TLN2: variants seen among roughly 807,000 people sequenced by gnomAD.
TLN2 encodes the protein talin 2, also known as talin-2.
Under a neutral mutation model 294.7 loss-of-function variants are expected in TLN2, and 118 were observed. The observed-to-expected ratio is 0.40, with a 90% CI of 0.34 to 0.47. The LOEUF is 0.47. Ranked by LOEUF, TLN2 falls within the 20% of genes least tolerant of loss-of-function variation. The probability of loss-of-function intolerance (pLI) is 0.84; values close to 1 mark genes in which losing one functional copy is unlikely to be tolerated. For synonymous variants in TLN2, 1,431 were observed against 1,304.5 expected (o/e 1.10, Z -2.09); for missense variants, 3,083 against 3,282.2 (o/e 0.94, Z 1.48).
At chr15:62,681,738 G>A (rs906997605) in intron 11 of TLN2, among the ~76,000 whole-genome samples, 3 of 152,162 alleles carry the variant, frequency 2.0e-5, no homozygotes, top group Non-Finnish European at 2.9e-5. Context: ...GCGAGCTAAT[G>A]TATGTAAACA....
intron 54 of TLN2, among the ~76,000 whole-genome samples, chr15:62,826,378 T>C (rs970256997): frequency 1.3e-5 from 2 of 152,200 alleles, no homozygotes; most frequent in African/African-American, 4.8e-5. Flanking sequence ...ATTCCTCGGA[T>C]GCGGAGGGTG....
At chr15:62,717,791 C>T in intron 24 of TLN2, 102 bp downstream of exon 24, 2 of 850,684 alleles carry the variant, frequency 2.4e-6, no homozygotes, top group Non-Finnish European at 3.4e-6. Flanking sequence ...ATTATCCAAG[C>T]TCCTAATCCA....
At chr15:62,482,673 G>A (rs2038170320) in intron 1 of TLN2, among the ~76,000 whole-genome samples, 1 of 147,738 alleles carries the variant, frequency 6.8e-6, no homozygotes, top group African/African-American at 2.5e-5. Flanking sequence ...AGCACAGAAT[G>A]TTATTAATCT....
intron 1 of TLN2, among the ~76,000 whole-genome samples, chr15:62,552,964 G>A (rs1469137804): frequency 6.6e-6 from 1 of 152,162 alleles, no homozygotes; most frequent in African/African-American, 2.4e-5. Context: ...TAGCCTGTAT[G>A]TCAGAAGCCT....
At chr15:62,828,675 G>A (rs2068457515) in intron 54 of TLN2, 1 of 152,240 alleles carries the variant, frequency 6.6e-6, no homozygotes, top group Admixed American at 6.5e-5. Context: ...CTGTCCACCA[G>A]GGCTCAGGAG....
At position 62,753,909 on chromosome 15, in the gene TLN2, C is replaced by A; in HGVS notation, c.4469C>A (p.Pro1490Gln). The change falls in exon 36 of 59, where the codon CCA becomes CAA. Residue 1490 changes from proline to glutamine, a missense_variant. Physicochemically the swap from Pro to Gln is moderately conservative, Grantham distance 76. Transcript: ENST00000636159. ...AACTTGGTGGACCCTGGCAGCAGCC[C>A]ATCACAGGTAACTGTTGGGGAGGAT... ...CQNLVDPGSS[P>Q]SQVLSAATIV... 1 of 1,603,302 alleles carries A rather than the reference C, an allele frequency of 6.2e-7. No homozygotes were observed. The highest frequency in any genetic ancestry group is 1.1e-5 in the South Asian group (1 of 89,058).
At chr15:62,571,728 C>A (rs2043875693) in intron 1 of TLN2, among the ~76,000 whole-genome samples, 1 of 152,312 alleles carries the variant, frequency 6.6e-6, no homozygotes, top group East Asian at 1.9e-4. Flanking sequence ...TTTCTCCATT[C>A]ACTCGATTAT....
In TLN2 at chr15:62,840,753, T is replaced by C. The variant is rs557900004; in HGVS notation, c.*143T>C. 11 of 1,190,936 alleles carry C rather than the reference T, an allele frequency of 9.2e-6. No homozygotes were observed. The highest frequency in any genetic ancestry group is 7.7e-5 in the African/African-American group (5 of 64,828). 73.8% of individuals were successfully genotyped at this position (1,190,936 alleles called of 1,614,324 possible). A position where few individuals can be genotyped will look rare whatever the true frequency, so the allele number is the denominator to read the frequency against. ...GGAGCCCTGCGTGCTTGTTCTCACA[T>C]CTCTGTCCCGTCGGCACTGGCTGCA... On this transcript the variant is annotated 3_prime_UTR_variant, in exon 59 of 59. Transcript: ENST00000636159.
At chr15:62,555,867 T>C (rs926570343) in intron 1 of TLN2, among the ~76,000 whole-genome samples, 1 of 152,118 alleles carries the variant, frequency 6.6e-6, no homozygotes, top group Admixed American at 6.5e-5. Flanking sequence ...TCTGTTTTTG[T>C]TACTGTAGCT....
chr15:62,548,211 T>C (rs948439504), intron 1 of TLN2, among the ~76,000 whole-genome samples: 8 of 151,740 alleles, frequency 5.3e-5, no homozygotes, highest in Non-Finnish European at 7.4e-5. Context: ...ATTTGAAAAA[T>C]GGAGAGAGCA....
At chr15:62,527,039 A>T (rs550401954) in intron 1 of TLN2, among the ~76,000 whole-genome samples, 84 of 152,290 alleles carry the variant, frequency 5.5e-4, no homozygotes, top group Non-Finnish European at 1.0e-3. Context: ...TACCAAAGAG[A>T]CATGACGTCG....
intron 1 of TLN2, among the ~76,000 whole-genome samples, chr15:62,477,791 C>G (rs946414638): frequency 1.3e-5 from 2 of 151,650 alleles, no homozygotes; most frequent in South Asian, 2.1e-4. Context: ...AGCAGGTAGA[C>G]TGAGGGCAGG....
intron 1 of TLN2, among the ~76,000 whole-genome samples, chr15:62,448,407 G>T (rs953164440): frequency 1.1e-4 from 17 of 152,218 alleles, no homozygotes; most frequent in African/African-American, 3.9e-4. Context: ...GGAGGAAAGA[G>T]TTAGGCTTGT....
intron 1 of TLN2, among the ~76,000 whole-genome samples, chr15:62,433,945 C>T (rs931028986): frequency 1.3e-5 from 2 of 152,108 alleles, no homozygotes; most frequent in South Asian, 2.1e-4. Context: ...GCCGAGATCA[C>T]GCCACTGCAC....
At position 62,424,952 on chromosome 15, in the gene TLN2, CTT is replaced by C. The variant is rs529075856; in HGVS notation, c.-238+34284_-238+34285del. 7.3e-4 allele frequency among the ~76,000 whole-genome samples: 94 copies of C among 129,198 alleles called. 2 individuals are homozygous for C. The highest frequency in any genetic ancestry group is 6.9e-3 in the East Asian group (31 of 4,470). 84.8% of individuals were successfully genotyped at this position (129,198 alleles called of 152,430 possible). On this transcript the variant is annotated intron_variant, in intron 1 of 58. Transcript: ENST00000636159. Reference sequence around the variant, plus strand: ...ACAGGCATGAGCCACCGTGCCTGGCCTTTTTTTTTTTTTTTTTTAAGAGATAG... The same window carrying C: ...ACAGGCATGAGCCACCGTGCCTGGCCTTTTTTTTTTTTTTTTAAGAGATAG...
chr15:62,423,352 T>C (rs2034521969), intron 1 of TLN2, among the ~76,000 whole-genome samples: 1 of 152,224 alleles, frequency 6.6e-6, no homozygotes, highest in East Asian at 1.9e-4. Context: ...GCCCAGGTGA[T>C]AGAGTGAGAC....
chr15:62,413,339 A>G (rs1417349300), intron 1 of TLN2, among the ~76,000 whole-genome samples: 1 of 152,192 alleles, frequency 6.6e-6, no homozygotes, highest in Non-Finnish European at 1.5e-5. Flanking sequence ...GGAAGATGCT[A>G]AGAATGTAAA....
chr15:62,480,677 G>A (rs1345581090), intron 1 of TLN2, among the ~76,000 whole-genome samples: 1 of 152,204 alleles, frequency 6.6e-6, no homozygotes, highest in African/African-American at 2.4e-5. Flanking sequence ...TAAGCTGCCA[G>A]TGCTTCCAGT....
intron 4 of TLN2, among the ~76,000 whole-genome samples, chr15:62,648,790 C>G (rs2052235814): frequency 6.6e-6 from 1 of 152,054 alleles, no homozygotes; most frequent in African/African-American, 2.4e-5. Context: ...CTCTGGTGAT[C>G]TGCCTGCCTC....
Sources: gnomAD v4.1 joint callset for allele counts (sites outside exome capture counted in the v4.1 genomes callset) on GRCh38, gnomAD v4.1.1 for gene constraint, MANE v1.5 for transcripts, NCBI Gene and HGNC (gene_info 2026-07-23, HGNC 2026-07-21) for gene names.